Variants in GLI2 observed in about 807,000 individuals in gnomAD.
GLI2 encodes GLI family zinc finger 2.
GLI2 carries 22 observed loss-of-function variants against 78.9 expected under a neutral mutation model. The ratio of observed to expected loss-of-function variants is 0.28; its 90% CI spans 0.20 to 0.40. The LOEUF (loss-of-function observed/expected upper bound fraction) is 0.40. Among genes scored for constraint, GLI2 ranks in the 10% least tolerant of loss-of-function variants. The pLI is 1.00. For missense variants in GLI2, 2,097 were observed against 2,213.2 expected, an observed-to-expected ratio of 0.95 and a Z score of 1.05; for synonymous variants, 974 against 963.7, an observed-to-expected ratio of 1.01 and a Z score of -0.20.
At chr2:120,821,192 A>G (rs13392139) in intron 2 of GLI2, among the ~76,000 whole-genome samples, 14,351 of 151,798 alleles carry the variant, frequency 0.095, 733 homozygotes, top group East Asian at 0.13. Context: ...TGTACGGGGG[A>G]GGTTCTCTCG....
At chr2:120,918,121 G>A (rs1362029383) in intron 2 of GLI2, among the ~76,000 whole-genome samples, 2 of 152,182 alleles carry the variant, frequency 1.3e-5, no homozygotes, top group African/African-American at 2.4e-5. Flanking sequence ...GAGCAGCTCC[G>A]CCGTGGATTC....
At chr2:120,805,398 C>T (rs1178113360) in intron 2 of GLI2, among the ~76,000 whole-genome samples, 4 of 152,232 alleles carry the variant, frequency 2.6e-5, no homozygotes, top group Admixed American at 6.5e-5. Context: ...AGGACAGTGC[C>T]GGTGGCTCCT....
intron 3 of GLI2, among the ~76,000 whole-genome samples, chr2:120,944,309 C>T (rs143566583): frequency 3.0e-4 from 45 of 152,332 alleles, no homozygotes; most frequent in Non-Finnish European, 5.1e-4. Context: ...GCGGGGTGAG[C>T]ACTAATTGAG....
intron 9 of GLI2, among the ~76,000 whole-genome samples, chr2:120,975,626 CAG>C (rs1682420092): frequency 6.6e-6 from 1 of 152,178 alleles, no homozygotes; most frequent in Non-Finnish European, 1.5e-5. Flanking sequence ...ACACCCAGAT[CAG>C]AGAGGAGGTT....
intron 1 of GLI2, among the ~76,000 whole-genome samples, chr2:120,787,615 T>G (rs753382987): frequency 1.2e-4 from 19 of 152,194 alleles, no homozygotes; most frequent in Non-Finnish European, 2.5e-4. Flanking sequence ...GCCAGCCTTG[T>G]TTTTCCTCCA....
chr2:120,983,688 G>T (rs978499308), intron 11 of GLI2, among the ~76,000 whole-genome samples: 1 of 152,240 alleles, frequency 6.6e-6, no homozygotes, highest in African/African-American at 2.4e-5. Context: ...CAGGGCAAGA[G>T]CCGGTGGCAT....
chr2:120,886,800 C>T lies in GLI2; in HGVS notation c.149-40561C>T, dbSNP rs531111941. ...ACCCAGGGCCCCAAGGAACCCCAGA[C>T]GTTGCTGGCTGGGTGGATGGCGGTG... is the stretch of plus-strand genomic sequence containing the variant. On this transcript the variant is annotated intron_variant, in intron 2 of 13. Transcript: ENST00000361492. Among the ~76,000 whole-genome samples the T allele has an allele frequency of 3.9e-5, 6 of 152,314 alleles. No individual in the cohort carries two copies. The South Asian group carries it at 8.3e-4, about 21-fold the overall frequency.
At chr2:120,924,080 AC>A (rs964588521) in intron 2 of GLI2, among the ~76,000 whole-genome samples, 14 of 151,304 alleles carry the variant, frequency 9.3e-5, no homozygotes, top group Non-Finnish European at 1.3e-4. Context: ...GCATTAGGAG[AC>A]CCCCCCTCAG....
intron 3 of GLI2, among the ~76,000 whole-genome samples, chr2:120,932,374 C>T (rs904039233): frequency 3.3e-5 from 5 of 152,158 alleles, no homozygotes; most frequent in Non-Finnish European, 7.3e-5. Flanking sequence ...ACCCCCTCCC[C>T]GTTCCCTCTC....
intron 2 of GLI2, among the ~76,000 whole-genome samples, chr2:120,920,820 G>A (rs1326275486): frequency 6.6e-6 from 1 of 151,276 alleles, no homozygotes; most frequent in Non-Finnish European, 1.5e-5. Flanking sequence ...GGCATACGGG[G>A]TGTGTATGTT....
At chr2:120,771,180 T>G (rs929010263) in intron 1 of GLI2, among the ~76,000 whole-genome samples, 7 of 152,160 alleles carry the variant, frequency 4.6e-5, no homozygotes, top group Non-Finnish European at 1.0e-4. Flanking sequence ...GTGCTCTGCA[T>G]GAGGAGGCGG....
At chr2:120,948,770 G>T (rs999485926) in intron 3 of GLI2, among the ~76,000 whole-genome samples, 1 of 152,168 alleles carries the variant, frequency 6.6e-6, no homozygotes, top group African/African-American at 2.4e-5. Flanking sequence ...TGCCAGGGAG[G>T]CTGGCATTCC....
intron 2 of GLI2, among the ~76,000 whole-genome samples, chr2:120,839,601 C>T (rs1480808559): frequency 6.6e-6 from 1 of 152,106 alleles, no homozygotes; most frequent in Non-Finnish European, 1.5e-5. Context: ...TCACTCTTGT[C>T]ACTCAGGCTG....
chr2:120,939,207 A>G (rs541367517), intron 3 of GLI2, among the ~76,000 whole-genome samples: 1 of 152,054 alleles, frequency 6.6e-6, no homozygotes, highest in East Asian at 1.9e-4. Context: ...ACTTGAACCT[A>G]GGAGGCGGAA....
chr2:120,986,998 A>T (rs1683011673), intron 13 of GLI2, among the ~76,000 whole-genome samples: 1 of 152,264 alleles, frequency 6.6e-6, no homozygotes, highest in African/African-American at 2.4e-5. Flanking sequence ...GCGTATGGTT[A>T]GAAGGCTGTG....
At chr2:120,786,824 C>T (rs1017344356) in intron 1 of GLI2, among the ~76,000 whole-genome samples, 1 of 152,182 alleles carries the variant, frequency 6.6e-6, no homozygotes, top group African/African-American at 2.4e-5. Flanking sequence ...TTCTCCAACC[C>T]AGCCCTCCCT....
At chr2:120,838,541 A>G (rs1477475805) in intron 2 of GLI2, among the ~76,000 whole-genome samples, 2 of 152,212 alleles carry the variant, frequency 1.3e-5, no homozygotes, top group South Asian at 2.1e-4. Flanking sequence ...TAAAAATATA[A>G]TGTGAACCAC....
chr2:120,776,853 C>T (rs1320294872), intron 1 of GLI2, among the ~76,000 whole-genome samples: 1 of 152,190 alleles, frequency 6.6e-6, no homozygotes, highest in Non-Finnish European at 1.5e-5. Flanking sequence ...TGCCTCTGAG[C>T]CACCCTGTGA....
At chr2:120,978,278 G>T (rs1205612943) in intron 9 of GLI2, among the ~76,000 whole-genome samples, 156 bp from the exon 10 acceptor site, 1 of 150,828 alleles carries the variant, frequency 6.6e-6, no homozygotes, top group African/African-American at 2.4e-5. Flanking sequence ...GAGGAGCACG[G>T]TCTGAACATA....
Sources: gnomAD v4.1 joint callset for allele counts (sites outside exome capture counted in the v4.1 genomes callset) on GRCh38, gnomAD v4.1.1 for gene constraint, MANE v1.5 for transcripts, NCBI Gene and HGNC (gene_info 2026-07-23, HGNC 2026-07-21) for gene names.